The following VPS8 variants were observed in gnomAD, a reference collection of about 807,000 sequenced individuals.
The protein encoded by VPS8 is vacuolar protein sorting-associated protein 8 homolog.
VPS8 carries 129 observed loss-of-function variants against 216.4 expected under a neutral mutation model. The observed-to-expected ratio is 0.60, with a 90% confidence interval of 0.52 to 0.69. The LOEUF is 0.69. Among genes scored for constraint, VPS8 ranks in the 30% least tolerant of loss-of-function variants. The pLI is 0.00. For missense variants in VPS8, 1,531 were observed against 1,683.5 expected, an observed-to-expected ratio of 0.91 and a Z score of 1.59; for synonymous variants, 571 against 565.4, an observed-to-expected ratio of 1.01 and a Z score of -0.14.
chr3:184,875,609 CAA>C (rs1729110929), intron 21 of VPS8, among the ~76,000 whole-genome samples: 1 of 152,076 alleles, frequency 6.6e-6, no homozygotes, highest in Admixed American at 6.6e-5. Context: ...AAGCAGCAAA[CAA>C]ATTCTTTTGT....
chr3:184,978,691 C>T (rs1173690970), intron 40 of VPS8, among the ~76,000 whole-genome samples: 1 of 152,168 alleles, frequency 6.6e-6, no homozygotes, highest in Non-Finnish European at 1.5e-5. Context: ...AGCCATCGCA[C>T]CTGGCCTCTC....
chr3:184,864,321 A>G lies in VPS8; in HGVS notation c.1395+1254A>G, dbSNP rs188652229. ...GCATCTGGGCTGTGGAGGAACCCAA[A>G]TGGAGCCTGGAAGACTCCATGATTT... On this transcript the variant is annotated intron_variant, in intron 16 of 47. Transcript: ENST00000625842. Among the ~76,000 whole-genome samples, 58 of 152,294 alleles carry G rather than the reference A, an allele frequency of 3.8e-4. 1 individual carries two copies. The highest frequency in any genetic ancestry group is 1.5e-4 in the Non-Finnish European group (10 of 68,012).
chr3:184,840,539 GAAA>G (rs1381085212), intron 7 of VPS8: 1 of 149,654 alleles, frequency 6.7e-6, no homozygotes, highest in African/African-American at 2.5e-5. Flanking sequence ...CGTCTCTACT[GAAA>G]AAAAAATAAA....
At chr3:185,040,815 T>G (rs904975060) in intron 46 of VPS8, among the ~76,000 whole-genome samples, 1 of 152,212 alleles carries the variant, frequency 6.6e-6, no homozygotes, top group Admixed American at 6.5e-5. Flanking sequence ...ATTGCTTATA[T>G]TGTTTCAGTT....
Position 184,971,840 on chromosome 3 carries a change from C to T in VPS8, c.3420+88C>T, listed in dbSNP as rs1268038828. On this transcript the variant is annotated intron_variant, in intron 40 of 47. Transcript: ENST00000625842. ...CTGTAATCCCAGCACTTTGGGAGGC[C>T]GAGACGGACAGATCACCTGAGGTCA... 11 of 1,038,290 alleles carry T rather than the reference C, an allele frequency of 1.1e-5. No homozygotes were observed. In the Middle Eastern group the frequency reaches 6.3e-4, roughly 60 times the overall value. 64.3% of individuals were successfully genotyped at this position (1,038,290 alleles called of 1,614,324 possible).
chr3:184,925,417 G>A (rs1436052789), intron 30 of VPS8, among the ~76,000 whole-genome samples: 1 of 152,126 alleles, frequency 6.6e-6, no homozygotes, highest in African/African-American at 2.4e-5. Flanking sequence ...TTTTTGTCTG[G>A]AGAAAGTAAC....
chr3:184,926,020 C>T (rs1258247199), intron 30 of VPS8, among the ~76,000 whole-genome samples: 1 of 150,948 alleles, frequency 6.6e-6, no homozygotes, highest in South Asian at 2.1e-4. Flanking sequence ...AGTGATCCGC[C>T]CTCCTCGGCC....
At chr3:184,885,942 T>G in intron 21 of VPS8, 168 bp from the exon 22 acceptor site, 2 of 594,164 alleles carry the variant, frequency 3.4e-6, no homozygotes, top group Admixed American at 3.0e-5. Context: ...TAGGTCAAAA[T>G]GTTCTGTTTT....
intron 40 of VPS8, among the ~76,000 whole-genome samples, chr3:184,981,912 G>A (rs1750272494): frequency 6.6e-6 from 1 of 151,892 alleles, no homozygotes; most frequent in Admixed American, 6.6e-5. Flanking sequence ...ATGCAAAAAT[G>A]TAAATGTAAA....
chr3:185,002,402 A>G (rs1753539264), intron 45 of VPS8, among the ~76,000 whole-genome samples: 2 of 152,120 alleles, frequency 1.3e-5, no homozygotes, highest in Admixed American at 1.3e-4. Context: ...ATTTCTTCCT[A>G]CCTTCTCGAG....
At chr3:185,049,346 T>A (rs1430226335) in intron 47 of VPS8, among the ~76,000 whole-genome samples, 1 of 152,130 alleles carries the variant, frequency 6.6e-6, no homozygotes, top group Non-Finnish European at 1.5e-5. Flanking sequence ...TCATGCCTGG[T>A]GCCTGCCTCA....
chr3:185,028,798 G>A (rs73067329), intron 46 of VPS8, among the ~76,000 whole-genome samples: 2,650 of 152,248 alleles, frequency 0.017, 30 homozygotes, highest in Middle Eastern at 0.034. Context: ...TCTCCCATTA[G>A]ACGATATGCC....
chr3:184,983,144 G>C (rs990203822), intron 42 of VPS8, 50 bp downstream of exon 42: 2 of 1,444,718 alleles, frequency 1.4e-6, no homozygotes, highest in Non-Finnish European at 1.9e-6. Context: ...TAACATTTTA[G>C]TTATATATAA....
At chr3:185,011,819 A>G (rs1755052696) in intron 45 of VPS8, among the ~76,000 whole-genome samples, 1 of 152,222 alleles carries the variant, frequency 6.6e-6, no homozygotes, top group Admixed American at 6.5e-5. Context: ...GAGAAAAAGC[A>G]TCAGTAGAAG....
chr3:184,851,804 T>G (rs1325138850), intron 10 of VPS8, among the ~76,000 whole-genome samples: 1 of 152,168 alleles, frequency 6.6e-6, no homozygotes, highest in Non-Finnish European at 1.5e-5. Flanking sequence ...CCTTTGAGTT[T>G]AGGGAGGATA....
intron 3 of VPS8, among the ~76,000 whole-genome samples, chr3:184,830,101 A>G (rs928053486): frequency 9.2e-5 from 14 of 152,040 alleles, no homozygotes; most frequent in Non-Finnish European, 1.8e-4. Context: ...ATGTTACCCT[A>G]TTTTGTTCTA....
At chr3:184,844,061 C>T (rs1327570782) in intron 8 of VPS8, among the ~76,000 whole-genome samples, 1 of 152,056 alleles carries the variant, frequency 6.6e-6, no homozygotes, top group Non-Finnish European at 1.5e-5. Flanking sequence ...TTATGATCAT[C>T]GATGAAAAAT....
intron 36 of VPS8, among the ~76,000 whole-genome samples, chr3:184,942,448 G>A (rs149893975): frequency 1.5e-3 from 233 of 152,230 alleles, no homozygotes; most frequent in Non-Finnish European, 2.5e-3. Context: ...AAGAGTCAGC[G>A]TGCTCACAGG....
At chr3:184,885,010 A>G (rs1730954716) in intron 21 of VPS8, among the ~76,000 whole-genome samples, 1 of 152,174 alleles carries the variant, frequency 6.6e-6, no homozygotes, top group South Asian at 2.1e-4. Flanking sequence ...CACTTTTCAA[A>G]TCTATCATTT....
Sources: gnomAD v4.1 joint callset for allele counts (sites outside exome capture counted in the v4.1 genomes callset) on GRCh38, gnomAD v4.1.1 for gene constraint, MANE v1.5 for transcripts, NCBI Gene and HGNC (gene_info 2026-07-23, HGNC 2026-07-21) for gene names.